The following ARFGAP1 variants were observed in gnomAD, a reference collection of about 807,000 sequenced individuals.
The protein encoded by ARFGAP1 is ADP-ribosylation factor GTPase-activating protein 1.
Under a neutral mutation model 54.0 loss-of-function variants are expected in ARFGAP1, and 26 were observed. The ratio of observed to expected loss-of-function variants is 0.48; its 90% CI spans 0.35 to 0.67. ARFGAP1 has a LOEUF of 0.67. Ranked by LOEUF, ARFGAP1 falls within the 30% of genes least tolerant of loss-of-function variation. ARFGAP1 has a pLI of 0.00. For synonymous variants in ARFGAP1, 248 were observed against 211.9 expected (o/e 1.17, Z -1.48); for missense variants, 525 against 535.8 (o/e 0.98, Z 0.20).
chr20:63,282,844 G>A lies in ARFGAP1; in HGVS notation c.710G>A (p.Ser237Asn). The change falls in exon 9 of 13, where the codon AGT (serine) becomes AAT (asparagine). Residue 237 changes from serine to asparagine, a missense_variant. Transcript: ENST00000370283. ...EGATKFGSQA[S>N]QKASELGHSL... ...GCTACAAAGTTTGGATCCCAAGCGA[G>A]TCAGAAGGTAACAGAGGAGAAGCTT... The A allele has an allele frequency of 2.5e-6, 4 of 1,614,088 alleles. No homozygotes were observed. The highest frequency in any genetic ancestry group is 3.4e-6 in the Non-Finnish European group (4 of 1,180,022).
chr20:63,277,968 C>A, intron 5 of ARFGAP1, 149 bp from the exon 6 acceptor site: 1 of 655,452 alleles, frequency 1.5e-6, no homozygotes, highest in Non-Finnish European at 2.7e-6. Context: ...AGCAGCCACT[C>A]AGAGCTGAAG....
At position 63,284,583 on chromosome 20, in the gene ARFGAP1, C is replaced by T. The variant is rs986770110; in HGVS notation, c.718-283C>T. On this transcript the variant is annotated intron_variant, in intron 9 of 12. Coordinates refer to ENST00000370283, the MANE Select transcript of ARFGAP1 (RefSeq NM_018209.4). ...TCCACAGGGCCTGTTCCCACCAGCCCGGCCCGGCAGGGCCGCATGGTGGCG... is the reference window on the plus strand; with the variant it reads ...TCCACAGGGCCTGTTCCCACCAGCCTGGCCCGGCAGGGCCGCATGGTGGCG... 1.8e-5 allele frequency: 23 copies of T among 1,300,410 alleles called. No homozygotes were observed. In the Admixed American group the frequency reaches 2.6e-4, roughly 15 times the overall value. The allele number at this position is 1,300,410 out of a possible 1,614,324, so 80.6% of individuals were successfully genotyped here.
intron 12 of ARFGAP1, among the ~76,000 whole-genome samples, chr20:63,287,247 G>A (rs1316306288): frequency 1.3e-5 from 2 of 152,272 alleles, no homozygotes; most frequent in Non-Finnish European, 2.9e-5. Flanking sequence ...GAGGCCAAGC[G>A]CCCCTGCCCC....
Position 63,288,506 on chromosome 20 carries a change from T to C in ARFGAP1, c.*633T>C. 4.4e-6 allele frequency: 2 copies of C among 455,974 alleles called. No individual in the cohort carries two copies. The highest frequency in any genetic ancestry group is 3.1e-5 in the South Asian group (2 of 64,552). The allele number at this position is 455,974 out of a possible 1,614,324, so 28.2% of individuals were successfully genotyped here. A position where few individuals can be genotyped will look rare whatever the true frequency, so the allele number is the denominator to read the frequency against. The stretch of plus-strand genomic sequence containing the variant: ...CCGTCCCACCACCAAGTTCACCAGG[T>C]TCACCAGACACGGCCTCCACAATAG... On this transcript the variant is annotated 3_prime_UTR_variant, in exon 13 of 13. Coordinates refer to ENST00000370283, the MANE Select transcript of ARFGAP1 (RefSeq NM_018209.4).
At chr20:63,277,689 A>G (rs6011715) in intron 5 of ARFGAP1, among the ~76,000 whole-genome samples, 63,371 of 151,956 alleles carry the variant, frequency 0.42, 14,107 homozygotes, top group Non-Finnish European at 0.5. Context: ...TGCGTCCCAC[A>G]TCCCACTGCA....
Position 63,288,078 on chromosome 20 carries a change from A to T in ARFGAP1, c.*205A>T. 1 of 646,128 alleles carries T rather than the reference A, an allele frequency of 1.5e-6. No homozygotes were observed. The highest frequency in any genetic ancestry group is 2.6e-6 in the Non-Finnish European group (1 of 378,264). The allele number at this position is 646,128 out of a possible 1,614,324, so 40.0% of individuals were successfully genotyped here. The stretch of plus-strand genomic sequence containing the variant: ...GGTGCGTGGGGGCGGCTTGCTGTCC[A>T]GCCTGTGTGGGGGCCGTCCCGTCCC... On this transcript the variant is annotated 3_prime_UTR_variant, in exon 13 of 13. Coordinates refer to ENST00000370283, the MANE Select transcript of ARFGAP1 (RefSeq NM_018209.4).
In ARFGAP1 at chr20:63,287,583, T is replaced by TA; in HGVS notation, c.932dup (p.Tyr311Ter). The TA allele has an allele frequency of 6.3e-7, 1 of 1,595,342 alleles. No individual in the cohort carries two copies. Among genetic ancestry groups the TA allele is most frequent in the Non-Finnish European group, 8.6e-7 (1 of 1,167,174 alleles). The change falls in exon 13 of 13, where the codon TAT becomes TAAT. Residue 311 changes from tyrosine to a stop codon, truncating the protein, a stop_gained and frameshift_variant. Transcript: ENST00000370283. LOFTEE classifies it low-confidence loss of function (END_TRUNC). Reference protein sequence around the residue: ...PLDSPSEGHSYQNSGLDHFQN... With the variant: ...PLDSPSEGHS ...TAAAAGCCCCTCGGAGGGCCACAGTTATCAGAACAGCGGTCTGGACCACTT... is the reference window on the plus strand; with the variant it reads ...TAAAAGCCCCTCGGAGGGCCACAGTTAATCAGAACAGCGGTCTGGACCACTT...
chr20:63,280,024 C>T (rs2067338615), intron 7 of ARFGAP1, among the ~76,000 whole-genome samples: 2 of 152,076 alleles, frequency 1.3e-5, no homozygotes, highest in African/African-American at 4.8e-5. Flanking sequence ...GCCTTGTAGC[C>T]CCAGCTACTG....
intron 2 of ARFGAP1, 99 bp from the exon 3 acceptor site, chr20:63,275,992 A>T: frequency 9.3e-7 from 1 of 1,073,730 alleles, no homozygotes; most frequent in South Asian, 1.3e-5. Context: ...CACCCTGGGC[A>T]GCCCTCTGCA....
chr20:63,286,484 G>T (rs776086795), intron 12 of ARFGAP1, 42 bp downstream of exon 12: 6 of 1,584,238 alleles, frequency 3.8e-6, no homozygotes, highest in Non-Finnish European at 5.2e-6. Context: ...CCACTCCCCT[G>T]CCTTGGCCAC....
intron 7 of ARFGAP1, 67 bp from the exon 8 acceptor site, chr20:63,281,224 T>TA (rs2067371865): frequency 2.0e-6 from 3 of 1,503,464 alleles, no homozygotes; most frequent in Non-Finnish European, 9.0e-7. Flanking sequence ...CTTGCTGAGA[T>TA]ACTCTGCTCA....
chr20:63,275,157 C>T (rs541557082), intron 1 of ARFGAP1, among the ~76,000 whole-genome samples: 3 of 152,216 alleles, frequency 2.0e-5, no homozygotes, highest in Non-Finnish European at 4.4e-5. Flanking sequence ...TGGCAGTGAT[C>T]AGCCCAAGTG....
At chr20:63,277,153 G>A (rs2067255658) in intron 4 of ARFGAP1, 52 bp from the exon 5 acceptor site, 2 of 1,528,068 alleles carry the variant, frequency 1.3e-6, no homozygotes, top group East Asian at 2.3e-5. Context: ...CGGTGCCCGA[G>A]GGCATCGCCA....
chr20:63,275,804 G>A (rs1453605179), intron 2 of ARFGAP1, among the ~76,000 whole-genome samples, 164 bp downstream of exon 2: 2 of 152,200 alleles, frequency 1.3e-5, no homozygotes, highest in African/African-American at 2.4e-5. Flanking sequence ...CTGGGTGGCC[G>A]GCTCTTAGAG....
chr20:63,276,393 G>A lies in ARFGAP1; in HGVS notation c.171-87G>A. ...AGCCTCCCTGCGGCTGCTGCTTGCT[G>A]TGTCTAATTCTCAGGACGATGCTGG... On this transcript the variant is annotated intron_variant, in intron 3 of 12. Coordinates refer to ENST00000370283, the MANE Select transcript of ARFGAP1 (RefSeq NM_018209.4). The surrounding 1 kb of genome is among the most constrained non-coding windows in gnomAD (Gnocchi z 5.2). The A allele has an allele frequency of 6.6e-7, 1 of 1,524,156 alleles. No homozygotes were observed. Among genetic ancestry groups the A allele is most frequent in the Non-Finnish European group, 8.9e-7 (1 of 1,120,344 alleles). The allele number at this position is 1,524,156 out of a possible 1,614,324, so 94.4% of individuals were successfully genotyped here.
chr20:63,274,221 C>T (rs571647612), intron 1 of ARFGAP1: 2 of 134,484 alleles, frequency 1.5e-5, no homozygotes, highest in African/African-American at 2.6e-5. Flanking sequence ...GTGTTTATTT[C>T]CTAACTTTGA....
intron 12 of ARFGAP1, 75 bp from the exon 13 acceptor site, chr20:63,287,489 C>G: frequency 7.1e-7 from 1 of 1,413,888 alleles, no homozygotes; most frequent in Non-Finnish European, 9.5e-7. Flanking sequence ...AGGTGCAGAG[C>G]TCTCGGGGGC....
chr20:63,278,003 A>T, intron 5 of ARFGAP1, 114 bp from the exon 6 acceptor site: 2 of 909,434 alleles, frequency 2.2e-6, no homozygotes, highest in Non-Finnish European at 3.5e-6. Flanking sequence ...AGGTGCTCTC[A>T]GGGGTGACGT....
intron 2 of ARFGAP1, 132 bp downstream of exon 2, chr20:63,275,772 A>G (rs2067220237): frequency 4.4e-6 from 4 of 919,424 alleles, no homozygotes; most frequent in Non-Finnish European, 6.8e-6. Flanking sequence ...CTGGACGTGC[A>G]TGGCTTGTGC....
Sources: allele counts gnomAD v4.1 joint callset (sites outside exome capture counted in the v4.1 genomes callset), GRCh38; gene constraint gnomAD v4.1.1; non-coding constraint Gnocchi (gnomAD v3.1); transcripts MANE v1.5; gene names NCBI Gene and HGNC (gene_info 2026-07-23, HGNC 2026-07-21).